Variants in SBNO2 observed in about 807,000 individuals in gnomAD.
SBNO2 encodes the protein strawberry notch homolog 2, also known as protein strawberry notch homolog 2.
In SBNO2, 89 loss-of-function variants were observed where a neutral mutation model predicts 146.3. The ratio of observed to expected loss-of-function variants is 0.61; its 90% CI spans 0.51 to 0.73. The LOEUF is 0.73. Among genes scored for constraint, SBNO2 ranks in the 30% least tolerant of loss-of-function variants. SBNO2 has a pLI of 0.00. For synonymous variants in SBNO2, 1,147 were observed against 892.6 expected, an observed-to-expected ratio of 1.29 and a Z score of -5.08; for missense variants, 2,092 against 2,003.7, an observed-to-expected ratio of 1.04 and a Z score of -0.84.
intron 4 of SBNO2, among the ~76,000 whole-genome samples, chr19:1,133,857 C>T (rs2080059251): frequency 6.6e-6 from 1 of 152,336 alleles, no homozygotes; most frequent in South Asian, 2.1e-4. Flanking sequence ...CAACCACAAG[C>T]GCTGCTGAGG....
Position 1,157,197 on chromosome 19 carries a change from C to T in SBNO2, c.-126-2795G>A, listed in dbSNP as rs540214822. Among the ~76,000 whole-genome samples, 19 of 152,292 alleles carry T rather than the reference C, an allele frequency of 1.2e-4. No individual in the cohort carries two copies. In the East Asian group the frequency reaches 3.5e-3, roughly 28 times the overall value. ...CCGGACCCTTCCCCCATTGACTCCG[C>T]CGCCGTTTCTTGCAGCAGCTGTGAC... is the stretch of plus-strand genomic sequence containing the variant. On this transcript the variant is annotated intron_variant, in intron 1 of 31. Coordinates refer to ENST00000361757, the MANE Select transcript of SBNO2 (RefSeq NM_014963.3). The surrounding 1 kb of genome is among the most constrained non-coding windows in gnomAD (Gnocchi z 6.8).
intron 11 of SBNO2, 127 bp from the exon 12 acceptor site, chr19:1,120,150 A>G (rs2079883209): frequency 1.5e-6 from 1 of 683,828 alleles, no homozygotes; most frequent in Non-Finnish European, 2.4e-6. Context: ...GAACTCCACG[A>G]GGGAAGCCCA....
intron 1 of SBNO2, among the ~76,000 whole-genome samples, chr19:1,155,734 G>A (rs972222748): frequency 1.3e-5 from 2 of 152,114 alleles, no homozygotes; most frequent in South Asian, 2.1e-4. Context: ...CCCCGACCCC[G>A]GCCCCGTGTG....
intron 4 of SBNO2, among the ~76,000 whole-genome samples, chr19:1,145,137 G>A (rs186149868): frequency 1.3e-5 from 2 of 151,786 alleles, no homozygotes; most frequent in East Asian, 3.9e-4. Flanking sequence ...AGAGAGACTA[G>A]GAGCAGGGGG....
At chr19:1,138,908 G>A (rs1003085404) in intron 4 of SBNO2, among the ~76,000 whole-genome samples, 4 of 147,754 alleles carry the variant, frequency 2.7e-5, no homozygotes, top group Admixed American at 6.7e-5. Flanking sequence ...GGTCCTCCAC[G>A]CGTCCATCAC....
chr19:1,154,307 G>T lies in SBNO2; in HGVS notation c.-31C>A. 8.3e-7 allele frequency: 1 copy of T among 1,211,524 alleles called. No individual in the cohort carries two copies. The highest frequency in any genetic ancestry group is 1.0e-6 in the Non-Finnish European group (1 of 963,644). The allele number at this position is 1,211,524 out of a possible 1,614,324, so 75.0% of individuals were successfully genotyped here. A position where few individuals can be genotyped will look rare whatever the true frequency, so the allele number is the denominator to read the frequency against. On this transcript the variant is annotated 5_prime_UTR_variant, in exon 2 of 32. Transcript: ENST00000361757. ...GGCAGGCGGGGTGGGGTCCTCGGCC[G>T]GGCAGCAGGCGGCGGGACTCCAGGA...
intron 14 of SBNO2, among the ~76,000 whole-genome samples, chr19:1,118,056 C>G (rs1032359401): frequency 6.6e-6 from 1 of 152,254 alleles, no homozygotes; most frequent in African/African-American, 2.4e-5. Context: ...AGTGAAGAGG[C>G]TGGGTGTGGT....
chr19:1,108,152 C>T lies in SBNO2; in HGVS notation c.*68G>A, dbSNP rs943067830. 8.4e-6 allele frequency: 12 copies of T among 1,432,030 alleles called. No individual in the cohort carries two copies. In the African/African-American group the frequency reaches 1.5e-4, roughly 18 times the overall value. 88.7% of individuals were successfully genotyped at this position (1,432,030 alleles called of 1,614,324 possible). A position where few individuals can be genotyped will look rare whatever the true frequency, so the allele number is the denominator to read the frequency against. On this transcript the variant is annotated 3_prime_UTR_variant, in exon 32 of 32. Transcript: ENST00000361757. ...CAGTGGTCAGGGGACCTTGGCCCTG[C>T]TCCCCACCGCTGCTCCTAGGGGAGA... is the stretch of plus-strand genomic sequence containing the variant.
chr19:1,132,399 T>A (rs2080041348), intron 4 of SBNO2: 2 of 645,700 alleles, frequency 3.1e-6, no homozygotes, highest in Non-Finnish European at 3.9e-6. Flanking sequence ...ACGGGGCGGA[T>A]CTCCCACAGG....
chr19:1,113,069 A>T, intron 19 of SBNO2, 120 bp from the exon 20 acceptor site: 31 of 1,118,038 alleles, frequency 2.8e-5, no homozygotes, highest in South Asian at 3.2e-5. Flanking sequence ...TGTGCACGGG[A>T]GGTGGGGGTG....
At position 1,113,655 on chromosome 19, in the gene SBNO2, C is replaced by T; in HGVS notation, c.2127G>A (p.Glu709=). The T allele has an allele frequency of 6.3e-7, 1 of 1,597,768 alleles. No homozygotes were observed. Among genetic ancestry groups the T allele is most frequent in the African/African-American group, 1.4e-5 (1 of 73,338 alleles). ...QRDPHGPGVL[E]RVERLKQDLL... ...GATCCTGCTTCAGCCGCTCCACCCG[C>T]TCCAGGACCCCGGGGCCATGCGGGT... Residue 709 remains glutamate, a synonymous_variant, in exon 19 of 32, where the codon GAG becomes GAA. Transcript: ENST00000361757.
intron 1 of SBNO2, among the ~76,000 whole-genome samples, chr19:1,164,420 CAGGAGG>C (rs1325727843): frequency 3.5e-4 from 4 of 11,560 alleles, no homozygotes; most frequent in East Asian, 3.2e-3. Flanking sequence ...GGAGGAGGAA[CAGGAGG>C]AGGAGGAGGA....
At chr19:1,134,728 A>C (rs2080069874) in intron 4 of SBNO2, among the ~76,000 whole-genome samples, 1 of 152,172 alleles carries the variant, frequency 6.6e-6, no homozygotes, top group Non-Finnish European at 1.5e-5. Context: ...TGGTGGTTGC[A>C]CAACTCTGTG....
rs2080269655 is a variant in SBNO2 at position 1,154,348 on chromosome 19, G to C, written c.-72C>G. The C allele has an allele frequency of 3.6e-6, 3 of 827,976 alleles. No individual in the cohort carries two copies. The highest frequency in any genetic ancestry group is 8.7e-5 in the Admixed American group (2 of 23,062). 51.3% of individuals were successfully genotyped at this position (827,976 alleles called of 1,614,324 possible). ...GACTCCAGGACCCGGGGCCGCCGGG[G>C]CGTCTATCTGGGCTTCTCGCTCCGT... On this transcript the variant is annotated 5_prime_UTR_variant, in exon 2 of 32. Transcript: ENST00000361757.
intron 14 of SBNO2, 84 bp downstream of exon 14, chr19:1,118,927 C>A: frequency 7.1e-7 from 1 of 1,411,726 alleles, no homozygotes; most frequent in Non-Finnish European, 9.6e-7. Flanking sequence ...CACCTGATGA[C>A]GCCTGTGGCA....
At position 1,122,807 on chromosome 19, in the gene SBNO2, A is replaced by G; in HGVS notation, c.781-16T>C. The stretch of plus-strand genomic sequence containing the variant: ...CCTCGTGTTGCTGTTGCCGGAGAGC[A>G]GGCGTCAGGGCCTGGGGGTGCTGGC... On this transcript the variant is annotated splice_polypyrimidine_tract_variant and intron_variant, in intron 8 of 31. Coordinates refer to ENST00000361757, the MANE Select transcript of SBNO2 (RefSeq NM_014963.3). 1 of 1,538,112 alleles carries G rather than the reference A, an allele frequency of 6.5e-7. No individual in the cohort carries two copies. Among genetic ancestry groups the G allele is most frequent in the South Asian group, 1.2e-5 (1 of 83,966 alleles).
intron 4 of SBNO2, among the ~76,000 whole-genome samples, chr19:1,129,169 G>A (rs1332708357): frequency 1.3e-5 from 2 of 152,054 alleles, no homozygotes; most frequent in Admixed American, 6.6e-5. Context: ...CGAGAGGCTG[G>A]GGCAGGAGAA....
At position 1,108,395 on chromosome 19, in the gene SBNO2, T is replaced by A; in HGVS notation, c.3926A>T (p.Asp1309Val). Residue 1309 changes from aspartate to valine, a missense_variant, in exon 32 of 32, where the codon GAC becomes GTC. Physicochemically the swap from Asp to Val is radical, Grantham distance 152. Coordinates refer to ENST00000361757, the MANE Select transcript of SBNO2 (RefSeq NM_014963.3). ...DPAALAHQGC[D>V]INFKEVLEDM... is the part of the protein sequence containing the mutation. ...CTCCAGCACCTCCTTGAAGTTGATGTCGCAGCCCTGGTGCGCGAGGGCCGC... is the reference window on the plus strand; with the variant it reads ...CTCCAGCACCTCCTTGAAGTTGATGACGCAGCCCTGGTGCGCGAGGGCCGC... 7.8e-7 allele frequency: 1 copy of A among 1,283,188 alleles called. No homozygotes were observed. The highest frequency in any genetic ancestry group is 9.9e-7 in the Non-Finnish European group (1 of 1,009,306). The allele number at this position is 1,283,188 out of a possible 1,614,324, so 79.5% of individuals were successfully genotyped here.
intron 4 of SBNO2, chr19:1,132,203 C>T (rs2080037752): frequency 1.5e-6 from 2 of 1,357,594 alleles, no homozygotes; most frequent in Admixed American, 3.8e-5. Flanking sequence ...CTCATGACCG[C>T]GGCAGCAGCC....
Sources: gnomAD v4.1 joint callset for allele counts (sites outside exome capture counted in the v4.1 genomes callset) on GRCh38, gnomAD v4.1.1 for gene constraint, Gnocchi (gnomAD v3.1) non-coding constraint, MANE v1.5 for transcripts, NCBI Gene and HGNC (gene_info 2026-07-23, HGNC 2026-07-21) for gene names.